Variants in CDH18 observed in about 807,000 individuals in gnomAD.
The protein encoded by CDH18 is cadherin 18.
Under a neutral mutation model 67.9 loss-of-function variants are expected in CDH18, and 31 were observed. The observed-to-expected ratio is 0.46, with a 90% CI of 0.34 to 0.62. The LOEUF is 0.62. Ranked by LOEUF, CDH18 falls within the 20% of genes least tolerant of loss-of-function variation. The probability of loss-of-function intolerance (pLI) is 0.01; values close to 1 mark genes in which losing one functional copy is unlikely to be tolerated. For missense variants in CDH18, 890 were observed against 975.5 expected, an observed-to-expected ratio of 0.91 and a Z score of 1.17; for synonymous variants, 362 against 347.2, an observed-to-expected ratio of 1.04 and a Z score of -0.48.
intron 2 of CDH18, among the ~76,000 whole-genome samples, chr5:19,860,415 C>T (rs188541630): frequency 4.6e-5 from 7 of 150,964 alleles, no homozygotes; most frequent in Non-Finnish European, 1.0e-4. Context: ...TTTCTCATTG[C>T]CTTCTTTTCT....
In CDH18 at chr5:20,493,951, A is replaced by AC. The variant is rs201130480; in HGVS notation, c.-580+81510_-580+81511insG. ...AACAAAAACAAAAACAAAAACAGCA[A>AC]AAAAAAAACCAGCCTTGTGCAGTGG... On this transcript the variant is annotated intron_variant, in intron 1 of 14. Coordinates refer to the CDH18 transcript ENST00000507958. Among the ~76,000 whole-genome samples, 828 of 150,732 alleles carry AC rather than the reference A, an allele frequency of 5.5e-3. 11 individuals carry two copies. The highest frequency in any genetic ancestry group is 0.019 in the African/African-American group (774 of 40,518).
At chr5:19,805,425 T>A (rs1386075641) in intron 3 of CDH18, among the ~76,000 whole-genome samples, 1 of 152,098 alleles carries the variant, frequency 6.6e-6, no homozygotes. Flanking sequence ...CCCTTTGAAG[T>A]TTTTGTTCTT....
At position 19,874,837 on chromosome 5, in the gene CDH18, C is replaced by T. The variant is rs554241596; in HGVS notation, c.-256-35595G>A. Among the ~76,000 whole-genome samples, 3 of 152,280 alleles carry T rather than the reference C, an allele frequency of 2.0e-5. No individual in the cohort carries two copies. In the Middle Eastern group the frequency reaches 0.01, roughly 518 times the overall value. ...ATTAAGTGCTGTAGCTCAGTTTTTA[C>T]ACATTTTAAGTTTCTGGTTGCAATT... On this transcript the variant is annotated intron_variant, in intron 2 of 12. Coordinates refer to ENST00000382275, the MANE Select transcript of CDH18 (RefSeq NM_004934.5).
At chr5:19,827,310 C>T (rs1020279563) in intron 3 of CDH18, among the ~76,000 whole-genome samples, 9 of 142,626 alleles carry the variant, frequency 6.3e-5, no homozygotes, top group African/African-American at 1.1e-4. Context: ...CTGACAATAT[C>T]GGACAAGTTA....
intron 9 of CDH18, among the ~76,000 whole-genome samples, chr5:19,523,543 A>T (rs1579989396): frequency 6.6e-6 from 1 of 152,214 alleles, no homozygotes; most frequent in Admixed American, 6.5e-5. Context: ...AGTTAATAGG[A>T]GATAATATAA....
At chr5:19,881,726 G>C (rs1395296181) in intron 2 of CDH18, among the ~76,000 whole-genome samples, 2 of 151,806 alleles carry the variant, frequency 1.3e-5, no homozygotes, top group Non-Finnish European at 2.9e-5. Context: ...GACTGGTCTC[G>C]TACTCTTGAC....
intron 1 of CDH18, among the ~76,000 whole-genome samples, chr5:20,287,129 G>A (rs1561941053): frequency 6.6e-6 from 1 of 151,678 alleles, no homozygotes; most frequent in African/African-American, 2.4e-5. Flanking sequence ...TGCCTAAGTG[G>A]ATTGATATCT....
chr5:20,036,747 T>C (rs534017857), intron 2 of CDH18, among the ~76,000 whole-genome samples: 3 of 152,114 alleles, frequency 2.0e-5, no homozygotes, highest in Non-Finnish European at 2.9e-5. Context: ...TGTGAGTGTC[T>C]AAGTCTCTTT....
intron 3 of CDH18, chr5:19,804,005 C>CA (rs1777750779): frequency 6.6e-6 from 1 of 152,328 alleles, no homozygotes; most frequent in South Asian, 2.1e-4. Flanking sequence ...CCTGTAGTCC[C>CA]AGCTACTCCG....
At chr5:20,022,854 G>A (rs146167390) in intron 2 of CDH18, among the ~76,000 whole-genome samples, 3 of 152,266 alleles carry the variant, frequency 2.0e-5, no homozygotes, top group Admixed American at 2.0e-4. Context: ...CAATGGGTGA[G>A]TCTATGCTTG....
chr5:20,346,202 G>A (rs1740681796), intron 1 of CDH18, among the ~76,000 whole-genome samples: 2 of 152,254 alleles, frequency 1.3e-5, no homozygotes, highest in South Asian at 4.2e-4. Context: ...TCCACCTGGA[G>A]ACTAACAACA....
At chr5:20,253,748 T>C (rs1231600439) in intron 2 of CDH18, among the ~76,000 whole-genome samples, 1 of 152,180 alleles carries the variant, frequency 6.6e-6, no homozygotes, top group African/African-American at 2.4e-5. Flanking sequence ...TATGGGATTA[T>C]ACAAAGAGAA....
chr5:20,133,348 C>T (rs961114483), intron 2 of CDH18, among the ~76,000 whole-genome samples: 1 of 152,050 alleles, frequency 6.6e-6, no homozygotes, highest in African/African-American at 2.4e-5. Flanking sequence ...AGAGTGTGTG[C>T]GGATGAACTG....
At chr5:20,108,604 G>T (rs578039230) in intron 2 of CDH18, among the ~76,000 whole-genome samples, 1 of 151,692 alleles carries the variant, frequency 6.6e-6, no homozygotes, top group East Asian at 1.9e-4. Context: ...GTGTCACCTC[G>T]TGTCTTTCAT....
intron 2 of CDH18, among the ~76,000 whole-genome samples, chr5:19,941,175 C>T (rs1238746449): frequency 6.6e-6 from 1 of 152,034 alleles, no homozygotes; most frequent in African/African-American, 2.4e-5. Flanking sequence ...AGAAAGCTGC[C>T]TTGCCCCTTG....
At chr5:20,353,536 C>T (rs951947675) in intron 1 of CDH18, among the ~76,000 whole-genome samples, 2 of 152,144 alleles carry the variant, frequency 1.3e-5, no homozygotes, top group African/African-American at 2.4e-5. Context: ...AATTTACCAT[C>T]GTCATTCACC....
rs1398022710 is a variant in CDH18 at position 19,782,041 on chromosome 5, G to A, written c.229-34805C>T. ...TTAGACTAACATGGGATATAATAGG[G>A]ATATATGGATGCAAAAATAAAAAAA... On this transcript the variant is annotated intron_variant, in intron 3 of 12. Coordinates refer to ENST00000382275, the MANE Select transcript of CDH18 (RefSeq NM_004934.5). Among the ~76,000 whole-genome samples, 7 of 152,042 alleles carry A rather than the reference G, an allele frequency of 4.6e-5. No homozygotes were observed. In the South Asian group the frequency reaches 6.2e-4, roughly 14 times the overall value.
chr5:19,841,286 TCTC>T (rs1407827578), intron 2 of CDH18, among the ~76,000 whole-genome samples: 1 of 151,912 alleles, frequency 6.6e-6, no homozygotes, highest in Non-Finnish European at 1.5e-5. Context: ...ACTTCAAAAC[TCTC>T]CTAAAATATA....
intron 5 of CDH18, among the ~76,000 whole-genome samples, chr5:19,681,123 G>T (rs928749215): frequency 6.6e-6 from 1 of 151,966 alleles, no homozygotes; most frequent in Non-Finnish European, 1.5e-5. Context: ...AACACGGATA[G>T]AACTGGAGGC....
Sources: gnomAD v4.1 joint callset for allele counts (sites outside exome capture counted in the v4.1 genomes callset) on GRCh38, gnomAD v4.1.1 for gene constraint, MANE v1.5 for transcripts, NCBI Gene and HGNC (gene_info 2026-07-23, HGNC 2026-07-21) for gene names.